Variants in TCF7L2 observed in about 807,000 individuals in gnomAD.
TCF7L2 encodes transcription factor 7 like 2.
A neutral mutation model predicts 77.9 loss-of-function variants in TCF7L2; 23 were observed. The observed-to-expected ratio is 0.30, with a 90% CI of 0.21 to 0.42. The LOEUF is 0.42. Ranked by LOEUF, TCF7L2 falls within the 10% of genes least tolerant of loss-of-function variation. TCF7L2 has a pLI of 1.00. For missense variants in TCF7L2, 654 were observed against 793.1 expected (o/e 0.82, Z 2.11); for synonymous variants, 413 against 340.2 (o/e 1.21, Z -2.36).
At chr10:113,148,113 G>A (rs1226757358) in intron 8 of TCF7L2, among the ~76,000 whole-genome samples, 1 of 152,154 alleles carries the variant, frequency 6.6e-6, no homozygotes, top group Non-Finnish European at 1.5e-5. Context: ...CAGCAGTGGG[G>A]CCAGGACTTC....
chr10:113,033,901 GT>G (rs1486790559), intron 4 of TCF7L2, among the ~76,000 whole-genome samples: 2 of 152,216 alleles, frequency 1.3e-5, no homozygotes, highest in African/African-American at 4.8e-5. Flanking sequence ...GAGTTTCAGT[GT>G]TAGGTATATT....
At position 113,157,927 on chromosome 10, in the gene TCF7L2, C is replaced by T. The variant is rs988181301; in HGVS notation, c.1270-94C>T. The T allele has an allele frequency of 1.1e-5, 15 of 1,310,108 alleles. No individual in the cohort carries two copies. In the East Asian group the frequency reaches 2.3e-4, roughly 20 times the overall value. The allele number at this position is 1,310,108 out of a possible 1,614,324, so 81.2% of individuals were successfully genotyped here. ...GTGTGGATGGAGATGGCAGTATGGT[C>T]ACTTCCTCCTGCCTTCTCCTTCCAG... On this transcript the variant is annotated intron_variant, in intron 11 of 13. Transcript: ENST00000627217.
chr10:113,076,312 A>G (rs1338350622), intron 5 of TCF7L2, among the ~76,000 whole-genome samples: 1 of 151,868 alleles, frequency 6.6e-6, no homozygotes, highest in Non-Finnish European at 1.5e-5. Context: ...TAACTTTTTT[A>G]TTTTTTGTAG....
chr10:113,049,247 T>C lies in TCF7L2; in HGVS notation c.552+9121T>C, dbSNP rs541925782. Among the ~76,000 whole-genome samples, 70 of 151,988 alleles carry C rather than the reference T, an allele frequency of 4.6e-4. 2 individuals carry two copies. The South Asian group carries it at 0.014, about 29-fold the overall frequency. ...ATTCAGCCTCCATTTGAATGCCAAA[T>C]AGACAGGAAATTAGCATGCCCAGAA... On this transcript the variant is annotated intron_variant, in intron 5 of 13. Coordinates refer to ENST00000627217, the MANE Select transcript of TCF7L2 (RefSeq NM_001146274.2).
intron 4 of TCF7L2, among the ~76,000 whole-genome samples, chr10:113,003,348 G>A (rs1234178259): frequency 1.1e-4 from 17 of 152,166 alleles, no homozygotes. Flanking sequence ...GGCTGCCAGG[G>A]CCTTTGTTTC....
rs576984871 is a variant in TCF7L2 at position 113,068,884 on chromosome 10, C to T, written c.552+28758C>T. Among the ~76,000 whole-genome samples, 292 of 152,074 alleles carry T rather than the reference C, an allele frequency of 1.9e-3. 1 individual carries two copies. Among genetic ancestry groups the T allele is most frequent in the African/African-American group, 5.9e-3 (246 of 41,496 alleles). On this transcript the variant is annotated intron_variant, in intron 5 of 13. Transcript: ENST00000627217. ...TGGACTCCTCCTTACATCCCTTTAC[C>T]GTTGGCTCCCAATTCTTTTTTTTTT...
intron 5 of TCF7L2, among the ~76,000 whole-genome samples, chr10:113,136,821 A>G (rs1190464596): frequency 6.6e-6 from 1 of 152,174 alleles, no homozygotes; most frequent in Admixed American, 6.6e-5. Flanking sequence ...GTTACTTTTC[A>G]TATCTAAATT....
At chr10:112,956,092 G>GC (rs1215340132) in intron 3 of TCF7L2, among the ~76,000 whole-genome samples, 2 of 152,036 alleles carry the variant, frequency 1.3e-5, no homozygotes, top group Non-Finnish European at 2.9e-5. Context: ...TTCACAACAG[G>GC]CCCCCCTGAA....
rs551582253 is a variant in TCF7L2, at chr10:113,037,636, A to G, written c.451-2389A>G. Among the ~76,000 whole-genome samples the G allele has an allele frequency of 2.0e-4, 30 of 152,306 alleles. No individual in the cohort carries two copies. The South Asian group carries it at 6.0e-3, about 31-fold the overall frequency. On this transcript the variant is annotated intron_variant, in intron 4 of 13. Transcript: ENST00000627217. ...TAAGTCTCCATGTTAATATTGTATT[A>G]TGAGTATGACAGTTCTTGGGTGGGT...
Position 113,166,404 on chromosome 10 carries a change from A to C in TCF7L2, c.*432A>C. On this transcript the variant is annotated 3_prime_UTR_variant, in exon 14 of 14. Coordinates refer to ENST00000627217, the MANE Select transcript of TCF7L2 (RefSeq NM_001146274.2). ...TACGAGCTTGCGAACCAATCATTTT[A>C]CATCTGGTTTTTAAACCGTAAGGGC... 2 of 229,628 alleles carry C rather than the reference A, an allele frequency of 8.7e-6. No homozygotes were observed. Among genetic ancestry groups the C allele is most frequent in the African/African-American group, 2.2e-5 (1 of 45,056 alleles). The allele number at this position is 229,628 out of a possible 1,614,324, so 14.2% of individuals were successfully genotyped here.
intron 4 of TCF7L2, among the ~76,000 whole-genome samples, chr10:113,012,508 C>A (rs995927875): frequency 6.6e-6 from 1 of 151,972 alleles, no homozygotes; most frequent in Non-Finnish European, 1.5e-5. Context: ...GGAAGAAAGA[C>A]AGAATTCTAA....
At chr10:113,062,771 A>G (rs921761258) in intron 5 of TCF7L2, among the ~76,000 whole-genome samples, 1 of 152,140 alleles carries the variant, frequency 6.6e-6, no homozygotes, top group Non-Finnish European at 1.5e-5. Context: ...TCTGTGGTCT[A>G]TTACAGTCCC....
intron 4 of TCF7L2, among the ~76,000 whole-genome samples, chr10:112,996,221 G>A (rs1344295390): frequency 3.3e-5 from 5 of 152,100 alleles, no homozygotes; most frequent in African/African-American, 1.2e-4. Flanking sequence ...TGAATGTTGT[G>A]CATTGAGAAA....
At chr10:113,088,597 T>G (rs1021349628) in intron 5 of TCF7L2, among the ~76,000 whole-genome samples, 1 of 152,116 alleles carries the variant, frequency 6.6e-6, no homozygotes, top group African/African-American at 2.4e-5. Context: ...GGGTCCAGAA[T>G]TGGTAGTATA....
At chr10:113,110,198 A>T (rs941499750) in intron 5 of TCF7L2, among the ~76,000 whole-genome samples, 1 of 152,200 alleles carries the variant, frequency 6.6e-6, no homozygotes, top group Admixed American at 6.5e-5. Flanking sequence ...CATTTTAAAA[A>T]ATATTATCTT....
At chr10:113,149,946 A>G (rs1232183391) in intron 8 of TCF7L2, among the ~76,000 whole-genome samples, 1 of 152,170 alleles carries the variant, frequency 6.6e-6, no homozygotes, top group Non-Finnish European at 1.5e-5. Flanking sequence ...GAGTCTTCCA[A>G]CCCAGTACAA....
At chr10:113,125,046 G>T (rs2136356128) in intron 5 of TCF7L2, among the ~76,000 whole-genome samples, 1 of 152,254 alleles carries the variant, frequency 6.6e-6, no homozygotes, top group Non-Finnish European at 1.5e-5. Context: ...TAAAGTGAGA[G>T]AGACAGTGCT....
chr10:113,039,418 G>A (rs567503189), intron 4 of TCF7L2, among the ~76,000 whole-genome samples: 1 of 152,198 alleles, frequency 6.6e-6, no homozygotes, highest in African/African-American at 2.4e-5. Context: ...TATACATTGT[G>A]TCTGGCCCTG....
intron 1 of TCF7L2, 62 bp downstream of exon 1, chr10:112,951,007 G>T (rs1004877053): frequency 6.5e-7 from 1 of 1,549,224 alleles, no homozygotes; most frequent in Non-Finnish European, 8.7e-7. Context: ...GGCAAATGTT[G>T]CTGAAAGGGG....
Sources: gnomAD v4.1 joint callset for allele counts (sites outside exome capture counted in the v4.1 genomes callset) on GRCh38, gnomAD v4.1.1 for gene constraint, MANE v1.5 for transcripts, NCBI Gene and HGNC (gene_info 2026-07-23, HGNC 2026-07-21) for gene names.